GLT8D2: variants seen among roughly 807,000 people sequenced by gnomAD.
GLT8D2 encodes the protein glycosyltransferase 8 domain-containing protein 2.
In GLT8D2, 45 loss-of-function variants were observed where a neutral mutation model predicts 44.5. The ratio of observed to expected loss-of-function variants is 1.01; its 90% confidence interval spans 0.80 to 1.30. The LOEUF is 1.30. Among genes scored for constraint, GLT8D2 ranks in the 50% most tolerant of loss-of-function variants. The pLI is 0.00. For missense variants in GLT8D2, 400 were observed against 430.4 expected (o/e 0.93, Z 0.62); for synonymous variants, 156 against 157.2 (o/e 0.99, Z 0.06).
At chr12:103,992,869 A>G (rs1872938222) in intron 10 of GLT8D2, among the ~76,000 whole-genome samples, 2 of 152,220 alleles carry the variant, frequency 1.3e-5, no homozygotes, top group South Asian at 4.1e-4. Flanking sequence ...CTTTCCATAA[A>G]TCTCCAGAAA....
chr12:104,015,870 G>A lies in GLT8D2; in HGVS notation c.20-765C>T, dbSNP rs532305052. On this transcript the variant is annotated intron_variant, in intron 3 of 10. Coordinates refer to ENST00000360814, the MANE Select transcript of GLT8D2 (RefSeq NM_001384711.1). ...ATACAAAAATTAGCTGGGCGTGATG[G>A]TGCATGCCTGTAATCCCAGCTATTT... Among the ~76,000 whole-genome samples, 25 of 152,180 alleles carry A rather than the reference G, an allele frequency of 1.6e-4. No individual in the cohort carries two copies. In the South Asian group the frequency reaches 4.8e-3, roughly 29 times the overall value.
At chr12:104,061,794 T>C (rs1706246981) in intron 1 of GLT8D2, among the ~76,000 whole-genome samples, 1 of 151,766 alleles carries the variant, frequency 6.6e-6, no homozygotes, top group Non-Finnish European at 1.5e-5. Flanking sequence ...CTGACCAACA[T>C]GGAGAAACCT....
intron 4 of GLT8D2, among the ~76,000 whole-genome samples, chr12:104,006,029 T>C (rs953619080): frequency 2.0e-5 from 3 of 152,118 alleles, no homozygotes; most frequent in African/African-American, 7.2e-5. Context: ...GTGGCACATA[T>C]ACACCATGGA....
At chr12:104,021,915 GAAGAAGAAGAAGAA>G (rs1877756259) in intron 1 of GLT8D2, among the ~76,000 whole-genome samples, 1 of 18,884 alleles carries the variant, frequency 5.3e-5, no homozygotes, top group African/African-American at 1.8e-4. Context: ...AGAAGAAGAA[GAAGAAGAAGAAGAA>G]GAAGAAGAAG....
intron 1 of GLT8D2, among the ~76,000 whole-genome samples, chr12:104,024,313 G>A (rs1293893834): frequency 1.3e-5 from 2 of 152,110 alleles, no homozygotes; most frequent in African/African-American, 4.8e-5. Flanking sequence ...GGGCACCTGT[G>A]GTCCCAGCTA....
chr12:104,028,027 TA>T (rs1878792950), intron 1 of GLT8D2, among the ~76,000 whole-genome samples: 1 of 152,162 alleles, frequency 6.6e-6, no homozygotes, highest in Non-Finnish European at 1.5e-5. Context: ...AGAGGAATAG[TA>T]AATGCTGATT....
At chr12:104,007,272 GCT>G (rs1875191819) in intron 4 of GLT8D2, among the ~76,000 whole-genome samples, 1 of 26,764 alleles carries the variant, frequency 3.7e-5, no homozygotes, top group Non-Finnish European at 8.7e-5. Flanking sequence ...CTCTCCCCCC[GCT>G]CTCTCCACCT....
chr12:104,048,032 C>T (rs967552542), intron 1 of GLT8D2, among the ~76,000 whole-genome samples: 9 of 152,144 alleles, frequency 5.9e-5, no homozygotes, highest in African/African-American at 1.7e-4. Flanking sequence ...TATTATCAGG[C>T]CCGTTGCAGA....
chr12:104,001,767 G>A (rs572415355), intron 5 of GLT8D2, among the ~76,000 whole-genome samples: 1 of 152,102 alleles, frequency 6.6e-6, no homozygotes, highest in African/African-American at 2.4e-5. Flanking sequence ...GCAGTGGCAC[G>A]ATCTCAGCTC....
chr12:104,047,686 C>T (rs565602328), intron 1 of GLT8D2, among the ~76,000 whole-genome samples: 1 of 152,282 alleles, frequency 6.6e-6, no homozygotes, highest in South Asian at 2.1e-4. Context: ...CAAAAGGCCC[C>T]ACTTTCTAGT....
chr12:104,013,394 T>C (rs1156816314), intron 4 of GLT8D2, among the ~76,000 whole-genome samples: 1 of 152,226 alleles, frequency 6.6e-6, no homozygotes, highest in South Asian at 2.1e-4. Flanking sequence ...TGTTCCTTTT[T>C]ACTGTCGAAA....
At chr12:104,044,031 T>C (rs918887783) in intron 1 of GLT8D2, among the ~76,000 whole-genome samples, 4 of 152,202 alleles carry the variant, frequency 2.6e-5, no homozygotes, top group African/African-American at 9.7e-5. Context: ...TGTGCTGTGC[T>C]CTGTTCAAAA....
At chr12:104,037,601 G>A (rs1210013146) in intron 1 of GLT8D2, among the ~76,000 whole-genome samples, 2 of 152,158 alleles carry the variant, frequency 1.3e-5, no homozygotes, top group East Asian at 3.8e-4. Context: ...CCAGGAAGAA[G>A]TTGAATCTCT....
At chr12:104,036,062 C>A (rs1303055078) in intron 1 of GLT8D2, among the ~76,000 whole-genome samples, 1 of 151,784 alleles carries the variant, frequency 6.6e-6, no homozygotes, top group Admixed American at 6.6e-5. Context: ...TCATATCCAG[C>A]CAAACTAAGT....
intron 1 of GLT8D2, among the ~76,000 whole-genome samples, chr12:104,021,896 A>G (rs1392679398): frequency 7.6e-4 from 8 of 10,534 alleles, no homozygotes; most frequent in South Asian, 6.0e-3. Context: ...AAGAAGAAGA[A>G]GAAGAAGAAG....
intron 4 of GLT8D2, among the ~76,000 whole-genome samples, chr12:104,008,805 T>C (rs1289248863): frequency 6.6e-6 from 1 of 152,260 alleles, no homozygotes; most frequent in East Asian, 1.9e-4. Context: ...ACTCCAGCCA[T>C]GGCTGAAAGG....
At chr12:104,058,397 T>C (rs1053069508) in intron 1 of GLT8D2, among the ~76,000 whole-genome samples, 4 of 152,194 alleles carry the variant, frequency 2.6e-5, no homozygotes, top group African/African-American at 4.8e-5. Context: ...AAATGTCTCA[T>C]CCTCATATTT....
intron 1 of GLT8D2, among the ~76,000 whole-genome samples, chr12:104,063,635 A>G (rs1489438997): frequency 6.6e-6 from 1 of 152,210 alleles, no homozygotes; most frequent in Non-Finnish European, 1.5e-5. Flanking sequence ...GCAGTATGGT[A>G]TATGATATAA....
chr12:104,034,096 T>C (rs1043323531), intron 1 of GLT8D2, among the ~76,000 whole-genome samples: 1 of 152,208 alleles, frequency 6.6e-6, no homozygotes, highest in Admixed American at 6.5e-5. Flanking sequence ...AATAACTTTA[T>C]GTCATTTTAA....
Sources: gnomAD v4.1 joint callset for allele counts (sites outside exome capture counted in the v4.1 genomes callset) on GRCh38, gnomAD v4.1.1 for gene constraint, MANE v1.5 for transcripts, NCBI Gene and HGNC (gene_info 2026-07-23, HGNC 2026-07-21) for gene names.